CCDC172: variants seen among roughly 807,000 people sequenced by gnomAD.
CCDC172 encodes coiled-coil domain-containing protein 172.
Under a neutral mutation model 38.0 loss-of-function variants are expected in CCDC172, and 30 were observed. The observed-to-expected ratio is 0.79, with a 90% confidence interval of 0.59 to 1.07. The LOEUF is 1.07. Ranked by LOEUF, CCDC172 falls within the 50% of genes least tolerant of loss-of-function variation. The pLI, the probability that CCDC172 is intolerant of heterozygous loss-of-function variation, is 0.00. For synonymous variants in CCDC172, 78 were observed against 88.3 expected (o/e 0.88, Z 0.66); for missense variants, 297 against 290.1 (o/e 1.02, Z -0.17).
At chr10:116,341,792 C>G (rs1179402065) in intron 4 of CCDC172, among the ~76,000 whole-genome samples, 1 of 151,654 alleles carries the variant, frequency 6.6e-6, no homozygotes, top group Non-Finnish European at 1.5e-5. Context: ...GGTAGAATAT[C>G]TACCTCAATA....
chr10:116,335,937 G>C (rs925290528), intron 3 of CCDC172, among the ~76,000 whole-genome samples: 5 of 151,972 alleles, frequency 3.3e-5, no homozygotes, highest in Admixed American at 6.6e-5. Flanking sequence ...GAGGCCAAGG[G>C]GGGTGGATCA....
intron 3 of CCDC172, among the ~76,000 whole-genome samples, chr10:116,339,752 A>G (rs1002362692): frequency 2.6e-4 from 39 of 152,038 alleles, no homozygotes; most frequent in African/African-American, 8.9e-4. Flanking sequence ...TTTAGCCATA[A>G]TATTTCAAAC....
Position 116,325,387 on chromosome 10 carries a change from A to AG in CCDC172, c.165+1dup, listed in dbSNP as rs1844579291. On this transcript the variant is annotated frameshift_variant and splice_region_variant, in exon 3 of 9. Coordinates refer to ENST00000333254, the MANE Select transcript of CCDC172 (RefSeq NM_198515.3). LOFTEE classifies it high-confidence loss of function. ...GAAGAGAAAATCAAGCTGGAATCTA[A>AG]GGTATTGAAATGTAAAGCATACTAA... The AG allele has an allele frequency of 6.2e-7, 1 of 1,610,846 alleles. No individual in the cohort carries two copies.
At chr10:116,325,546 G>A (rs913321573) in intron 3 of CCDC172, among the ~76,000 whole-genome samples, 158 bp downstream of exon 3, 8 of 152,176 alleles carry the variant, frequency 5.3e-5, no homozygotes, top group East Asian at 1.9e-4. Flanking sequence ...GATGTTTAAA[G>A]TTCTGAATCC....
At chr10:116,348,193 G>C (rs1365747089) in intron 5 of CCDC172, among the ~76,000 whole-genome samples, 2 of 152,014 alleles carry the variant, frequency 1.3e-5, no homozygotes, top group Admixed American at 6.6e-5. Context: ...CTTGGTGGTG[G>C]TGGTGGTGGA....
chr10:116,357,964 C>T (rs777743924), intron 7 of CCDC172, 26 bp downstream of exon 7: 1 of 1,281,792 alleles, frequency 7.8e-7, no homozygotes, highest in African/African-American at 1.5e-5. Flanking sequence ...TATATTTTGG[C>T]CTAAATCAGG....
At chr10:116,364,766 C>G (rs1014243696) in intron 7 of CCDC172, among the ~76,000 whole-genome samples, 1 of 152,060 alleles carries the variant, frequency 6.6e-6, no homozygotes, top group African/African-American at 2.4e-5. Context: ...ATGAAATATA[C>G]ATAAATTTTA....
intron 3 of CCDC172, among the ~76,000 whole-genome samples, chr10:116,332,362 A>C (rs1314499789): frequency 6.6e-6 from 1 of 152,102 alleles, no homozygotes; most frequent in Non-Finnish European, 1.5e-5. Context: ...CTGCACTATA[A>C]AACTCTTCAA....
intron 7 of CCDC172, among the ~76,000 whole-genome samples, chr10:116,372,110 A>G (rs1722088113): frequency 6.6e-6 from 1 of 151,936 alleles, no homozygotes. Context: ...TTATTTCCCT[A>G]TTTACATGTA....
chr10:116,335,834 A>G (rs10787650), intron 3 of CCDC172, among the ~76,000 whole-genome samples: 50,950 of 150,940 alleles, frequency 0.34, 9,910 homozygotes, highest in Non-Finnish European at 0.45. Flanking sequence ...CCTTTTTTTT[A>G]TTTCTTGATG....
chr10:116,374,958 A>G (rs1180552192), intron 7 of CCDC172, among the ~76,000 whole-genome samples: 1 of 150,354 alleles, frequency 6.7e-6, no homozygotes, highest in Non-Finnish European at 1.5e-5. Context: ...GTTTCTTTAT[A>G]TCCTTATCAA....
At chr10:116,335,595 A>C (rs992021672) in intron 3 of CCDC172, among the ~76,000 whole-genome samples, 1 of 152,080 alleles carries the variant, frequency 6.6e-6, no homozygotes, top group Non-Finnish European at 1.5e-5. Context: ...TGATGTCTTT[A>C]TAACTCTGAG....
intron 7 of CCDC172, among the ~76,000 whole-genome samples, chr10:116,361,032 CTATTATTATTATTATTAT>C (rs140026446): frequency 0.074 from 10,487 of 142,114 alleles, 571 homozygotes; most frequent in East Asian, 0.18. Context: ...ACCCCCAAAC[CTATTATTATTATTATTAT>C]TATTATTATT....
chr10:116,358,977 T>C (rs1419691636), intron 7 of CCDC172, among the ~76,000 whole-genome samples: 2 of 152,198 alleles, frequency 1.3e-5, no homozygotes, highest in African/African-American at 2.4e-5. Context: ...TAGAGAATGC[T>C]TTTTCCTTCA....
chr10:116,351,791 G>A (rs1436643782), intron 5 of CCDC172, among the ~76,000 whole-genome samples: 5 of 152,164 alleles, frequency 3.3e-5, no homozygotes, highest in African/African-American at 1.2e-4. Flanking sequence ...CTTCTCACTG[G>A]ATATAGTTTT....
chr10:116,325,369 AAATCAAGCTGG>A lies in CCDC172; in HGVS notation c.151_161del (p.Lys51Ter). 6.2e-7 allele frequency: 1 copy of A among 1,613,774 alleles called. No homozygotes were observed. The highest frequency in any genetic ancestry group is 8.5e-7 in the Non-Finnish European group (1 of 1,179,784). On this transcript the variant is annotated frameshift_variant, in exon 3 of 9. Transcript: ENST00000333254. LOFTEE classifies it high-confidence loss of function. The stretch of plus-strand genomic sequence containing the variant: ...GCAACGGAGGAGCTGAATGAAGAGA[AAATCAAGCTGG>A]AATCTAAGGTATTGAAATGTAAAGC...
intron 3 of CCDC172, among the ~76,000 whole-genome samples, chr10:116,335,037 T>A (rs1486046514): frequency 6.6e-6 from 1 of 152,094 alleles, no homozygotes; most frequent in African/African-American, 2.4e-5. Flanking sequence ...ACTTTATTAT[T>A]TGTATCTTGG....
chr10:116,364,263 A>G (rs1222760142), intron 7 of CCDC172, among the ~76,000 whole-genome samples: 3 of 152,188 alleles, frequency 2.0e-5, no homozygotes, highest in African/African-American at 7.2e-5. Context: ...TATTTAGTCT[A>G]TCAATTTTTG....
rs1220991107 is a variant in CCDC172, at chr10:116,344,708, GT to G, written c.448+2508del. Among the ~76,000 whole-genome samples, 10 of 152,128 alleles carry G rather than the reference GT, an allele frequency of 6.6e-5. No homozygotes were observed. In the East Asian group the frequency reaches 1.9e-3, roughly 29 times the overall value. ...AAATTAACATTAACTTCAGCTTACT[GT>G]AACTTTTTTACTTTATAAACCTTTT... On this transcript the variant is annotated intron_variant, in intron 5 of 8. Coordinates refer to ENST00000333254, the MANE Select transcript of CCDC172 (RefSeq NM_198515.3).
Sources: gnomAD v4.1 joint callset for allele counts (sites outside exome capture counted in the v4.1 genomes callset) on GRCh38, gnomAD v4.1.1 for gene constraint, MANE v1.5 for transcripts, NCBI Gene and HGNC (gene_info 2026-07-23, HGNC 2026-07-21) for gene names.